The following DTNA variants were observed in gnomAD, a reference collection of about 807,000 sequenced individuals.
The protein encoded by DTNA is dystrobrevin alpha, also known as dystrophin-related protein 3.
DTNA carries 43 observed loss-of-function variants against 100.7 expected under a neutral mutation model. That is an observed-to-expected ratio of 0.43 (90% CI 0.33 to 0.55). DTNA has a LOEUF of 0.55. Ranked by LOEUF, DTNA falls within the 20% of genes least tolerant of loss-of-function variation. The pLI is 0.04. For missense variants in DTNA, 798 were observed against 953.9 expected (o/e 0.84, Z 2.15); for synonymous variants, 349 against 347.9 (o/e 1.00, Z -0.04).
intron 1 of DTNA, among the ~76,000 whole-genome samples, chr18:34,584,470 A>G (rs575093370): frequency 2.0e-5 from 3 of 152,358 alleles, no homozygotes; most frequent in East Asian, 1.9e-4. Context: ...AGAAAATTTA[A>G]TTCTTAAAAA....
chr18:34,837,282 A>G (rs1421362049), intron 11 of DTNA, among the ~76,000 whole-genome samples: 2 of 152,336 alleles, frequency 1.3e-5, no homozygotes, highest in Middle Eastern at 3.4e-3. Flanking sequence ...AATCAATACC[A>G]TAGTTCTCGA....
intron 1 of DTNA, among the ~76,000 whole-genome samples, chr18:34,661,777 A>G (rs1016765731): frequency 2.6e-5 from 4 of 152,174 alleles, no homozygotes; most frequent in Non-Finnish European, 4.4e-5. Flanking sequence ...GATAATGGTC[A>G]GTGAGATCAT....
At chr18:34,645,417 T>G (rs1400181871) in intron 1 of DTNA, among the ~76,000 whole-genome samples, 4 of 152,250 alleles carry the variant, frequency 2.6e-5, no homozygotes, top group African/African-American at 9.6e-5. Context: ...CCTTGTAATG[T>G]GGGCAGGTAA....
chr18:34,684,847 G>A (rs948710559), intron 1 of DTNA, among the ~76,000 whole-genome samples: 5 of 152,134 alleles, frequency 3.3e-5, no homozygotes, highest in African/African-American at 1.2e-4. Flanking sequence ...GTTCTAACTG[G>A]CATGAGATGG....
intron 10 of DTNA, among the ~76,000 whole-genome samples, chr18:34,828,595 A>C (rs2149558947): frequency 6.6e-6 from 1 of 152,330 alleles, no homozygotes; most frequent in Middle Eastern, 3.4e-3. Flanking sequence ...GACTAAGAAC[A>C]CAGCTGATTT....
chr18:34,670,534 T>C (rs887970975), intron 1 of DTNA, among the ~76,000 whole-genome samples: 2 of 152,230 alleles, frequency 1.3e-5, no homozygotes, highest in Non-Finnish European at 2.9e-5. Context: ...TGTTCTGTTT[T>C]TTCCCCATCT....
At chr18:34,564,210 T>C (rs1415323288) in intron 1 of DTNA, among the ~76,000 whole-genome samples, 1 of 152,190 alleles carries the variant, frequency 6.6e-6, no homozygotes, top group Non-Finnish European at 1.5e-5. Flanking sequence ...TGGCTCAATC[T>C]TGGCTCACTG....
intron 1 of DTNA, chr18:34,493,571 TGGAG>T (rs1002759170): frequency 7.2e-6 from 1 of 139,384 alleles, no homozygotes; most frequent in Non-Finnish European, 1.6e-5. Flanking sequence ...GGCGCGGGGG[TGGAG>T]GGGGTCCGTG....
At chr18:34,747,104 C>CTATATATATATATA (rs35537934) in intron 1 of DTNA, among the ~76,000 whole-genome samples, 31 of 148,308 alleles carry the variant, frequency 2.1e-4, no homozygotes, top group African/African-American at 7.8e-4. Context: ...ATATCTGTAT[C>CTATATATATATATA]TATATATATA....
rs376804490 is a variant in DTNA, at chr18:34,889,402, C to T, written c.*1668C>T. 2.2e-5 allele frequency: 22 copies of T among 985,316 alleles called. No individual in the cohort carries two copies. In the Admixed American group the frequency reaches 3.7e-4, roughly 17 times the overall value. 61.0% of individuals were successfully genotyped at this position (985,316 alleles called of 1,614,324 possible). A position where few individuals can be genotyped will look rare whatever the true frequency, so the allele number is the denominator to read the frequency against. On this transcript the variant is annotated 3_prime_UTR_variant, in exon 23 of 23. Coordinates refer to ENST00000444659, the MANE Select transcript of DTNA (RefSeq NM_001386795.1). ...ACCCTCTAGGTGATTCTGATGCTCG[C>T]TAAAGGTTGAGAACTACTGCTTTAG...
intron 17 of DTNA, among the ~76,000 whole-genome samples, chr18:34,869,887 G>A (rs917309300): frequency 6.6e-6 from 1 of 152,184 alleles, no homozygotes; most frequent in Non-Finnish European, 1.5e-5. Context: ...CGGGCGTGGT[G>A]GCAGGCGCCT....
chr18:34,506,421 C>T (rs1444926017), intron 1 of DTNA, among the ~76,000 whole-genome samples: 4 of 152,098 alleles, frequency 2.6e-5, no homozygotes, highest in Admixed American at 6.6e-5. Context: ...GACATCATCA[C>T]GGTGGGGATG....
chr18:34,884,560 C>A (rs981408841), intron 21 of DTNA, among the ~76,000 whole-genome samples, 168 bp from the exon 22 acceptor site: 1 of 152,198 alleles, frequency 6.6e-6, no homozygotes, highest in Non-Finnish European at 1.5e-5. Flanking sequence ...TCCTTGAATG[C>A]TCTGTGAGCA....
chr18:34,640,043 T>G (rs2059102021), intron 1 of DTNA, among the ~76,000 whole-genome samples: 1 of 152,210 alleles, frequency 6.6e-6, no homozygotes. Context: ...AGATTGCACT[T>G]CAAAAGTTCC....
At chr18:34,645,932 A>G (rs1401400352) in intron 1 of DTNA, among the ~76,000 whole-genome samples, 1 of 152,170 alleles carries the variant, frequency 6.6e-6, no homozygotes, top group African/African-American at 2.4e-5. Context: ...AATCTAATCT[A>G]GAAATCAAGA....
chr18:34,510,331 C>T (rs190440663), intron 1 of DTNA, among the ~76,000 whole-genome samples: 2 of 151,896 alleles, frequency 1.3e-5, no homozygotes, highest in South Asian at 2.1e-4. Flanking sequence ...CCTCAGTACC[C>T]CGACTAGCAT....
At chr18:34,546,330 G>A (rs189732809) in intron 1 of DTNA, among the ~76,000 whole-genome samples, 1 of 152,176 alleles carries the variant, frequency 6.6e-6, no homozygotes, top group East Asian at 1.9e-4. Flanking sequence ...GCAACTCTGG[G>A]TCAGTAAAGC....
At chr18:34,736,019 A>G (rs1274348255) in intron 1 of DTNA, among the ~76,000 whole-genome samples, 1 of 152,192 alleles carries the variant, frequency 6.6e-6, no homozygotes, top group African/African-American at 2.4e-5. Flanking sequence ...TCATTCAAAA[A>G]TTGAAGCCAA....
At chr18:34,771,806 A>C (rs2093786816) in intron 3 of DTNA, among the ~76,000 whole-genome samples, 1 of 152,206 alleles carries the variant, frequency 6.6e-6, no homozygotes, top group African/African-American at 2.4e-5. Flanking sequence ...CTTTCCACAA[A>C]AATTAATACC....
Sources: allele counts gnomAD v4.1 joint callset (sites outside exome capture counted in the v4.1 genomes callset), GRCh38; gene constraint gnomAD v4.1.1; transcripts MANE v1.5; gene names NCBI Gene and HGNC (gene_info 2026-07-23, HGNC 2026-07-21).